The following NKAIN2 variants were observed in gnomAD, a reference collection of about 807,000 sequenced individuals.
NKAIN2 encodes the protein sodium/potassium-transporting ATPase subunit beta-1-interacting protein 2.
Under a neutral mutation model 32.6 loss-of-function variants are expected in NKAIN2, and 14 were observed. That is an observed-to-expected ratio of 0.43 (90% CI 0.28 to 0.67). The LOEUF (loss-of-function observed/expected upper bound fraction) is 0.67. NKAIN2 is among the 30% of genes least tolerant of loss of function. The pLI, the probability that NKAIN2 is intolerant of heterozygous loss-of-function variation, is 0.17. For synonymous variants in NKAIN2, 80 were observed against 87.2 expected (o/e 0.92, Z 0.46); for missense variants, 198 against 258.3 (o/e 0.77, Z 1.60).
At chr6:124,240,902 C>A (rs943855508) in intron 1 of NKAIN2, among the ~76,000 whole-genome samples, 1 of 151,982 alleles carries the variant, frequency 6.6e-6, no homozygotes, top group Non-Finnish European at 1.5e-5. Flanking sequence ...GGTAATCAGG[C>A]AAGATAAAGA....
In NKAIN2 at chr6:124,393,994, C is replaced by T. The variant is rs781597313; in HGVS notation, c.273+38647C>T. Among the ~76,000 whole-genome samples, 136 of 152,220 alleles carry T rather than the reference C, an allele frequency of 8.9e-4. No homozygotes were observed. The Middle Eastern group carries it at 0.014, about 15-fold the overall frequency. On this transcript the variant is annotated intron_variant, in intron 3 of 6. Coordinates refer to ENST00000368417, the MANE Select transcript of NKAIN2 (RefSeq NM_001040214.3). ...AGCAAAGAAAGAGTTGAATCCCAGA[C>T]TTATTGAGTTTAAAGTCTATGATGT...
intron 1 of NKAIN2, among the ~76,000 whole-genome samples, chr6:124,063,273 A>G (rs1173461225): frequency 6.6e-6 from 1 of 152,166 alleles, no homozygotes; most frequent in East Asian, 1.9e-4. Flanking sequence ...ATTGAACTCC[A>G]GAGATGAGAT....
intron 3 of NKAIN2, among the ~76,000 whole-genome samples, chr6:124,636,521 A>G (rs1179606652): frequency 1.3e-5 from 2 of 151,894 alleles, no homozygotes; most frequent in Non-Finnish European, 2.9e-5. Flanking sequence ...CATGATGCAG[A>G]CTAAGAGAAA....
intron 1 of NKAIN2, among the ~76,000 whole-genome samples, chr6:124,222,688 T>G (rs1436463502): frequency 1.3e-5 from 2 of 152,026 alleles, no homozygotes; most frequent in Non-Finnish European, 2.9e-5. Context: ...CAGAAAAGAC[T>G]GAGGAGGAGA....
At chr6:124,403,904 T>G (rs561777867) in intron 3 of NKAIN2, among the ~76,000 whole-genome samples, 10 of 152,308 alleles carry the variant, frequency 6.6e-5, no homozygotes, top group African/African-American at 2.4e-4. Flanking sequence ...TTTTATAGTT[T>G]CCATTTCTTT....
intron 4 of NKAIN2, among the ~76,000 whole-genome samples, chr6:124,753,432 G>A (rs532774894): frequency 5.3e-5 from 8 of 152,082 alleles, no homozygotes; most frequent in East Asian, 3.9e-4. Flanking sequence ...GATTTCTGTC[G>A]GTTTAGCTTT....
intron 2 of NKAIN2, among the ~76,000 whole-genome samples, chr6:124,347,688 G>T (rs1798500830): frequency 6.6e-6 from 1 of 152,124 alleles, no homozygotes; most frequent in South Asian, 2.1e-4. Context: ...AGCTCCATCA[G>T]CTCCTTTAAG....
At chr6:123,910,181 C>T (rs982358350) in intron 1 of NKAIN2, among the ~76,000 whole-genome samples, 1 of 152,144 alleles carries the variant, frequency 6.6e-6, no homozygotes, top group Non-Finnish European at 1.5e-5. Flanking sequence ...CTGCTTCCTG[C>T]TCTACCTGCT....
intron 1 of NKAIN2, among the ~76,000 whole-genome samples, chr6:124,108,301 T>C (rs1582658622): frequency 6.6e-6 from 1 of 152,240 alleles, no homozygotes; most frequent in South Asian, 2.1e-4. Context: ...ATACACGGTG[T>C]TCATGTGTAT....
chr6:124,131,217 TCA>T (rs1223275191), intron 1 of NKAIN2, among the ~76,000 whole-genome samples: 1 of 152,180 alleles, frequency 6.6e-6, no homozygotes, highest in Non-Finnish European at 1.5e-5. Context: ...TGATCTTGGC[TCA>T]CTGCAACCTC....
intron 1 of NKAIN2, among the ~76,000 whole-genome samples, chr6:123,821,390 C>T (rs919656781): frequency 1.3e-5 from 2 of 152,162 alleles, no homozygotes; most frequent in East Asian, 1.9e-4. Context: ...TAAGATGCTG[C>T]TCAAATGGAC....
chr6:124,555,291 T>A (rs1780430491), intron 3 of NKAIN2, among the ~76,000 whole-genome samples: 1 of 151,494 alleles, frequency 6.6e-6, no homozygotes. Context: ...ACTGAGCCTA[T>A]CAAACACCTA....
chr6:124,761,973 GT>G (rs1160447267), intron 4 of NKAIN2, among the ~76,000 whole-genome samples: 1 of 151,954 alleles, frequency 6.6e-6, no homozygotes, highest in Non-Finnish European at 1.5e-5. Flanking sequence ...TTTCTCCCTA[GT>G]TTCTCTCACT....
intron 1 of NKAIN2, among the ~76,000 whole-genome samples, chr6:123,886,722 T>TAAAAAGA (rs1582716107): frequency 2.6e-5 from 4 of 152,214 alleles, no homozygotes; most frequent in South Asian, 4.1e-4. Context: ...ATCAATTTAA[T>TAAAAAGA]AAAAAGAAAA....
At chr6:124,043,963 G>C (rs1302916704) in intron 1 of NKAIN2, among the ~76,000 whole-genome samples, 1 of 152,028 alleles carries the variant, frequency 6.6e-6, no homozygotes. Flanking sequence ...CTATGTATTA[G>C]TTATCTGTTC....
chr6:124,160,013 A>C (rs1788191147), intron 1 of NKAIN2, among the ~76,000 whole-genome samples: 1 of 152,136 alleles, frequency 6.6e-6, no homozygotes, highest in Non-Finnish European at 1.5e-5. Flanking sequence ...GGGAATTGGC[A>C]AAAAAGCTTA....
chr6:124,674,403 T>A (rs1773259720), intron 4 of NKAIN2, among the ~76,000 whole-genome samples: 1 of 151,968 alleles, frequency 6.6e-6, no homozygotes, highest in Non-Finnish European at 1.5e-5. Flanking sequence ...AAAAGAGCCA[T>A]TGTGCTTTTG....
intron 3 of NKAIN2, among the ~76,000 whole-genome samples, chr6:124,613,734 C>T (rs572215145): frequency 3.9e-5 from 6 of 152,138 alleles, no homozygotes; most frequent in Non-Finnish European, 7.4e-5. Context: ...CCTTACATGA[C>T]ACTCTATTCC....
At chr6:124,140,184 T>C (rs921518483) in intron 1 of NKAIN2, among the ~76,000 whole-genome samples, 5 of 152,214 alleles carry the variant, frequency 3.3e-5, no homozygotes, top group African/African-American at 9.6e-5. Context: ...TCTTTGCCCC[T>C]GAGACCTTCC....
Sources: gnomAD v4.1 joint callset for allele counts (sites outside exome capture counted in the v4.1 genomes callset) on GRCh38, gnomAD v4.1.1 for gene constraint, MANE v1.5 for transcripts, NCBI Gene and HGNC (gene_info 2026-07-23, HGNC 2026-07-21) for gene names.